CUX2: variants seen among roughly 807,000 people sequenced by gnomAD.
The protein encoded by CUX2 is homeobox protein cut-like 2.
In CUX2, 40 loss-of-function variants were observed where a neutral mutation model predicts 144.8. The observed-to-expected ratio is 0.28, with a 90% CI of 0.21 to 0.36. The LOEUF is 0.36. Among genes scored for constraint, CUX2 ranks in the 10% least tolerant of loss-of-function variants. The probability of loss-of-function intolerance (pLI) is 1.00; values close to 1 mark genes in which losing one functional copy is unlikely to be tolerated. For missense variants in CUX2, 1,615 were observed against 1,994.0 expected, an observed-to-expected ratio of 0.81 and a Z score of 3.62; for synonymous variants, 827 against 875.6, an observed-to-expected ratio of 0.94 and a Z score of 0.98.
intron 1 of CUX2, among the ~76,000 whole-genome samples, chr12:111,129,119 C>G (rs1262715135): frequency 6.6e-6 from 1 of 152,222 alleles, no homozygotes; most frequent in Non-Finnish European, 1.5e-5. Flanking sequence ...ACTGTGGAGC[C>G]CTAGATATTT....
At chr12:111,117,432 C>G (rs1566232756) in intron 1 of CUX2, among the ~76,000 whole-genome samples, 2 of 152,178 alleles carry the variant, frequency 1.3e-5, no homozygotes. Flanking sequence ...TGGTAAAATG[C>G]TCCACTCTGG....
rs138311945 is a variant in CUX2 at position 111,111,251 on chromosome 12, G to T, written c.63+77011G>T. On this transcript the variant is annotated intron_variant, in intron 1 of 21. Transcript: ENST00000261726. ...CAGGAGGCGGAGGTTGCAGTGAGCC[G>T]AGATTGCATCACTGCACTCCAGTCT... Among the ~76,000 whole-genome samples the T allele has an allele frequency of 9.3e-3, 1,411 of 152,120 alleles. 25 individuals are homozygous for T. The highest frequency in any genetic ancestry group is 0.032 in the African/African-American group (1,323 of 41,494).
chr12:111,157,619 A>G (rs111305913), intron 1 of CUX2, among the ~76,000 whole-genome samples: 1,529 of 152,322 alleles, frequency 0.01, 29 homozygotes, highest in African/African-American at 0.035. Flanking sequence ...CTTTACATGA[A>G]AAGTCCAGTT....
intron 18 of CUX2, among the ~76,000 whole-genome samples, chr12:111,332,881 TC>T: frequency 6.6e-6 from 1 of 152,248 alleles, no homozygotes; most frequent in Admixed American, 6.6e-5. Context: ...CCCAATAATA[TC>T]CTTTATGAGC....
Position 111,237,028 on chromosome 12 carries a change from A to G in CUX2, c.222+19091A>G, listed in dbSNP as rs188634093. On this transcript the variant is annotated intron_variant, in intron 3 of 21. Transcript: ENST00000261726. ...GTTGGGTGTGGTGACATGTGCCTGT[A>G]GTCCTAGCTACTTGGGAGGCTGAGG... is the stretch of plus-strand genomic sequence containing the variant. Among the ~76,000 whole-genome samples the G allele has an allele frequency of 4.9e-3, 741 of 152,288 alleles. 5 individuals are homozygous for G. Among genetic ancestry groups the G allele is most frequent in the African/African-American group, 0.017 (713 of 41,562 alleles).
At chr12:111,126,364 G>A (rs1011055176) in intron 1 of CUX2, among the ~76,000 whole-genome samples, 3 of 152,072 alleles carry the variant, frequency 2.0e-5, no homozygotes, top group Non-Finnish European at 4.4e-5. Context: ...CACCCACCTT[G>A]GCCTCCCAAA....
Position 111,312,243 on chromosome 12 carries a change from C to A in CUX2, c.2002+42C>A. ...CAGGCAAAGCCTGAGGCCCCCGGGG[C>A]CAGCTGCGAACAGGAGATGAGGCTT... On this transcript the variant is annotated intron_variant, in intron 16 of 21. Transcript: ENST00000261726. This position sits in a 1 kb window ranked among gnomAD's most constrained non-coding sequence, Gnocchi z 4.3. 6.6e-7 allele frequency: 1 copy of A among 1,524,244 alleles called. No individual in the cohort carries two copies. Among genetic ancestry groups the A allele is most frequent in the Non-Finnish European group, 8.9e-7 (1 of 1,118,448 alleles). 94.4% of individuals were successfully genotyped at this position (1,524,244 alleles called of 1,614,324 possible). A position where few individuals can be genotyped will look rare whatever the true frequency, so the allele number is the denominator to read the frequency against.
intron 5 of CUX2, 108 bp downstream of exon 5, chr12:111,291,660 G>A: frequency 3.2e-6 from 4 of 1,258,918 alleles, no homozygotes; most frequent in Non-Finnish European, 4.2e-6. Context: ...AGGGAACTGG[G>A]CAGGTGAAGG....
At chr12:111,053,928 G>C (rs1018664579) in intron 1 of CUX2, among the ~76,000 whole-genome samples, 2 of 152,228 alleles carry the variant, frequency 1.3e-5, no homozygotes, top group Non-Finnish European at 2.9e-5. Flanking sequence ...GCCACGGCGG[G>C]TGGATCATCT....
At position 111,310,604 on chromosome 12, in the gene CUX2, C is replaced by G; in HGVS notation, c.1822C>G (p.Pro608Ala). The G allele has an allele frequency of 6.2e-7, 1 of 1,612,996 alleles. No individual in the cohort carries two copies. Among genetic ancestry groups the G allele is most frequent in the Non-Finnish European group, 8.5e-7 (1 of 1,179,354 alleles). ...WRKLTVKGKEPFIKMKQFLSD... is the reference protein window; with the variant it reads ...WRKLTVKGKEAFIKMKQFLSD... ...CAAGCTCACGGTGAAGGGCAAGGAG[C>G]CCTTCATCAAGATGAAGCAGTTCCT... Residue 608 changes from proline to alanine, a missense_variant, in exon 15 of 22, where the codon CCC (proline) becomes GCC (alanine). By Grantham distance (27) the Pro-to-Ala change is conservative. Transcript: ENST00000261726. This position sits in a 1 kb window ranked among gnomAD's most constrained non-coding sequence, Gnocchi z 7.9.
At chr12:111,165,718 G>T (rs1878096883) in intron 1 of CUX2, among the ~76,000 whole-genome samples, 1 of 152,168 alleles carries the variant, frequency 6.6e-6, no homozygotes, top group Non-Finnish European at 1.5e-5. Flanking sequence ...CCAGCTATAA[G>T]CATCGCCTCC....
At chr12:111,176,308 A>G (rs1878855491) in intron 1 of CUX2, among the ~76,000 whole-genome samples, 1 of 151,828 alleles carries the variant, frequency 6.6e-6, no homozygotes, top group Non-Finnish European at 1.5e-5. Flanking sequence ...TGGCCTCCCA[A>G]AAGTGCTGAG....
At position 111,034,584 on chromosome 12, in the gene CUX2, C is replaced by A. The variant is rs1005223925; in HGVS notation, c.63+344C>A. ...GGGGGCTGCTGGCGGGAACCCCCGG[C>A]GGTCCCCCCTGAGCCGCACTTTGCG... On this transcript the variant is annotated intron_variant, in intron 1 of 21. Coordinates refer to ENST00000261726, the MANE Select transcript of CUX2 (RefSeq NM_015267.4). The surrounding 1 kb of genome is among the most constrained non-coding windows in gnomAD (Gnocchi z 4.2). Among the ~76,000 whole-genome samples the A allele has an allele frequency of 6.6e-6, 1 of 151,148 alleles. No individual in the cohort carries two copies. The highest frequency in any genetic ancestry group is 1.5e-5 in the Non-Finnish European group (1 of 67,676).
chr12:111,328,565 C>T (rs1472910122), intron 18 of CUX2, among the ~76,000 whole-genome samples: 1 of 149,624 alleles, frequency 6.7e-6, no homozygotes, highest in Non-Finnish European at 1.5e-5. Flanking sequence ...CTCTGTCTCT[C>T]TCCTCCAATT....
intron 4 of CUX2, among the ~76,000 whole-genome samples, chr12:111,283,383 C>T (rs921869708): frequency 6.6e-6 from 1 of 152,138 alleles, no homozygotes; most frequent in African/African-American, 2.4e-5. Flanking sequence ...GAAGATGCCA[C>T]ACCTGGAAGG....
chr12:111,247,462 A>G (rs949369206), intron 3 of CUX2, among the ~76,000 whole-genome samples: 3 of 152,250 alleles, frequency 2.0e-5, no homozygotes, highest in Non-Finnish European at 2.9e-5. Flanking sequence ...AGAACTTGTC[A>G]GGATCACTGC....
intron 1 of CUX2, among the ~76,000 whole-genome samples, chr12:111,116,911 C>A (rs1874338254): frequency 6.6e-6 from 1 of 152,180 alleles, no homozygotes; most frequent in South Asian, 2.1e-4. Context: ...ATACATTCAT[C>A]CTTATTATTT....
chr12:111,133,866 G>T (rs1470195187), intron 1 of CUX2, among the ~76,000 whole-genome samples: 1 of 152,146 alleles, frequency 6.6e-6, no homozygotes, highest in Non-Finnish European at 1.5e-5. Context: ...TCTTCCACTG[G>T]CAAGGAAGAC....
chr12:111,338,446 G>A lies in CUX2; in HGVS notation c.3357G>A (p.Leu1119=), dbSNP rs766774137. 6.2e-7 allele frequency: 1 copy of A among 1,613,698 alleles called. No individual in the cohort carries two copies. The highest frequency in any genetic ancestry group is 1.1e-5 in the South Asian group (1 of 91,050). Residue 1119 remains leucine, a synonymous_variant, in exon 20 of 22, where the codon CTG becomes CTA. Coordinates refer to ENST00000261726, the MANE Select transcript of CUX2 (RefSeq NM_015267.4). ...ATGACCCCCATAACGTGGAGAAGCTGAGGGATATGAAGAAGCTGGAGAAGA... is the reference window on the plus strand; with the variant it reads ...ATGACCCCCATAACGTGGAGAAGCTAAGGGATATGAAGAAGCTGGAGAAGA... The part of the protein sequence containing the change: ...WLNDPHNVEK[L]RDMKKLEKKA...
Sources: gnomAD v4.1 joint callset for allele counts (sites outside exome capture counted in the v4.1 genomes callset) on GRCh38, gnomAD v4.1.1 for gene constraint, Gnocchi (gnomAD v3.1) non-coding constraint, MANE v1.5 for transcripts, NCBI Gene and HGNC (gene_info 2026-07-23, HGNC 2026-07-21) for gene names.